The following SMCO2 variants were observed in gnomAD, a reference collection of about 807,000 sequenced individuals.
SMCO2 encodes single-pass membrane protein with coiled-coil domains 2.
In SMCO2, 25 loss-of-function variants were observed where a neutral mutation model predicts 29.5. That is an observed-to-expected ratio of 0.85 (90% CI 0.62 to 1.18). The LOEUF is 1.18. SMCO2 is among the 50% of genes most tolerant of loss of function. The pLI, the probability that SMCO2 is intolerant of heterozygous loss-of-function variation, is 0.00. For missense variants in SMCO2, 348 were observed against 344.5 expected (o/e 1.01, Z -0.08); for synonymous variants, 117 against 123.3 (o/e 0.95, Z 0.34).
intron 5 of SMCO2, among the ~76,000 whole-genome samples, chr12:27,491,965 C>T (rs1245088733): frequency 2.0e-5 from 3 of 152,120 alleles, no homozygotes; most frequent in Admixed American, 1.3e-4. Context: ...CCACCTCAGC[C>T]TCCCAAGTGC....
chr12:27,485,351 T>G (rs975020594), intron 4 of SMCO2, among the ~76,000 whole-genome samples: 2 of 152,176 alleles, frequency 1.3e-5, no homozygotes, highest in East Asian at 3.9e-4. Flanking sequence ...TTTCTCTACC[T>G]TCTTGGACAA....
At chr12:27,461,947 C>T (rs536162296), upstream of SMCO2, among the ~76,000 whole-genome samples, 1 of 152,372 alleles carries the variant, frequency 6.6e-6, no homozygotes, top group South Asian at 2.1e-4. Flanking sequence ...GTAGCACTTA[C>T]ATAAACCATT....
upstream of SMCO2, among the ~76,000 whole-genome samples, chr12:27,465,142 T>G: frequency 6.6e-6 from 1 of 151,774 alleles, no homozygotes; most frequent in East Asian, 1.9e-4. Flanking sequence ...GTCTACACAG[T>G]GCTGCTTTAG....
chr12:27,451,763 A>C, the SMCO2 span, among the ~76,000 whole-genome samples: 1 of 152,234 alleles, frequency 6.6e-6, no homozygotes, highest in Non-Finnish European at 1.5e-5. Context: ...TAGTAGGTGG[A>C]TTAGCAAATA....
At chr12:27,443,618 T>A in the SMCO2 span, among the ~76,000 whole-genome samples, 1 of 152,156 alleles carries the variant, frequency 6.6e-6, no homozygotes, top group African/African-American at 2.4e-5. Context: ...TAGAGAAACC[T>A]AAAGACTCCA....
chr12:27,470,626 G>A (rs1280177885), exon 2 of SMCO2: 15 of 1,550,390 alleles, frequency 9.7e-6, no homozygotes, highest in Middle Eastern at 1.7e-4. Context: ...TTACAGTGCC[G>A]AAGAAATGGC....
the SMCO2 span, chr12:27,424,316 A>C: frequency 6.6e-6 from 1 of 152,228 alleles, no homozygotes; most frequent in Non-Finnish European, 1.5e-5. Flanking sequence ...ACAAGTCTCT[A>C]TCCATGTTAC....
chr12:27,431,284 A>G, the SMCO2 span, among the ~76,000 whole-genome samples: 2 of 152,198 alleles, frequency 1.3e-5, no homozygotes, highest in East Asian at 3.8e-4. Flanking sequence ...CTCGGATTAC[A>G]GGCATGAGCT....
the SMCO2 span, among the ~76,000 whole-genome samples, chr12:27,459,704 G>T: frequency 2.0e-5 from 3 of 152,186 alleles, no homozygotes; most frequent in African/African-American, 7.2e-5. Flanking sequence ...TATCCCAATG[G>T]GGTATCATTT....
chr12:27,481,047 G>C (rs1408346001), intron 4 of SMCO2, among the ~76,000 whole-genome samples: 1 of 152,146 alleles, frequency 6.6e-6, no homozygotes, highest in Non-Finnish European at 1.5e-5. Context: ...TAGAGTGCTG[G>C]GGACCTGACT....
Position 27,500,148 on chromosome 12 carries a change from A to AT in SMCO2, c.684-1766dup, listed in dbSNP as rs34538178. ...AAAACTTATTTCAATTTAGTTAACT[A>AT]TTTTTTTTTCCCAAAGAAAAATGTC... On this transcript the variant is annotated intron_variant, in intron 7 of 7. Transcript: ENST00000298876. Among the ~76,000 whole-genome samples the AT allele has an allele frequency of 8.2e-4, 123 of 149,328 alleles. 9 individuals are homozygous for AT. The highest frequency in any genetic ancestry group is 7.2e-3 in the Middle Eastern group (2 of 276).
chr12:27,492,995 T>G (rs907835602), intron 5 of SMCO2, among the ~76,000 whole-genome samples: 3 of 152,196 alleles, frequency 2.0e-5, no homozygotes, highest in African/African-American at 7.2e-5. Context: ...TGGAATACTA[T>G]GCATCCATAA....
At chr12:27,434,575 T>C in the SMCO2 span, among the ~76,000 whole-genome samples, 1 of 152,162 alleles carries the variant, frequency 6.6e-6, no homozygotes, top group African/African-American at 2.4e-5. Context: ...AAAGAAGATA[T>C]GTTTCAGGAA....
At chr12:27,470,002 C>A (rs1336239454) in intron 1 of SMCO2, among the ~76,000 whole-genome samples, 1 of 152,202 alleles carries the variant, frequency 6.6e-6, no homozygotes, top group Non-Finnish European at 1.5e-5. Flanking sequence ...AGTAATTCCA[C>A]CTCTAAGGAA....
chr12:27,432,899 AT>A, the SMCO2 span, among the ~76,000 whole-genome samples: 294 of 152,286 alleles, frequency 1.9e-3, 1 homozygote, highest in Non-Finnish European at 3.8e-3. Context: ...ATTAATCCTC[AT>A]TTTTTATATT....
At chr12:27,446,224 C>A in the SMCO2 span, among the ~76,000 whole-genome samples, 1 of 152,074 alleles carries the variant, frequency 6.6e-6, no homozygotes, top group Non-Finnish European at 1.5e-5. Flanking sequence ...CTTAATGTGT[C>A]CTCACATGGT....
the SMCO2 span, among the ~76,000 whole-genome samples, chr12:27,450,334 C>T: frequency 6.6e-6 from 1 of 152,102 alleles, no homozygotes; most frequent in Non-Finnish European, 1.5e-5. Context: ...GCTGGGCTGC[C>T]TGACAAGCAC....
the SMCO2 span, among the ~76,000 whole-genome samples, chr12:27,431,167 C>T: frequency 0.029 from 4,404 of 152,120 alleles, 99 homozygotes; most frequent in Non-Finnish European, 0.046. Context: ...AGGTGTGCAC[C>T]ATCATGCCTG....
intron 4 of SMCO2, among the ~76,000 whole-genome samples, chr12:27,482,585 G>A (rs971815599): frequency 2.6e-5 from 4 of 152,176 alleles, no homozygotes; most frequent in African/African-American, 9.7e-5. Context: ...ACAGGCATGA[G>A]CCACCACACC....
Sources: gnomAD v4.1 joint callset for allele counts (sites outside exome capture counted in the v4.1 genomes callset) on GRCh38, gnomAD v4.1.1 for gene constraint, MANE v1.5 for transcripts, NCBI Gene and HGNC (gene_info 2026-07-23, HGNC 2026-07-21) for gene names.